Variants in DRC10 observed in about 807,000 individuals in gnomAD.
DRC10 encodes IQ domain-containing protein D.
chr12:113,213,093 T>C, the DRC10 span, among the ~76,000 whole-genome samples: 3 of 150,000 alleles, frequency 2.0e-5, no homozygotes, highest in African/African-American at 4.9e-5. Context: ...ATATATTTTT[T>C]CCCCCTGGAG....
At chr12:113,211,506 G>A in the DRC10 span, among the ~76,000 whole-genome samples, 5,305 of 152,216 alleles carry the variant, frequency 0.035, 334 homozygotes, top group African/African-American at 0.12. Flanking sequence ...GTTCACGCCC[G>A]TAATCCCAAC....
chr12:113,200,589 C>T, the DRC10 span: 155 of 1,535,118 alleles, frequency 1.0e-4, no homozygotes, highest in Non-Finnish European at 1.3e-4. Flanking sequence ...CCTTCCTCAG[C>T]GCCTGCTCTG....
At chr12:113,220,186 C>A in the DRC10 span, among the ~76,000 whole-genome samples, 1 of 152,072 alleles carries the variant, frequency 6.6e-6, no homozygotes, top group Non-Finnish European at 1.5e-5. Flanking sequence ...GAGATCACAT[C>A]TTAAGGATGG....
chr12:113,201,476 G>A, the DRC10 span, among the ~76,000 whole-genome samples: 1 of 152,204 alleles, frequency 6.6e-6, no homozygotes, highest in African/African-American at 2.4e-5. Context: ...GGACAGCGGC[G>A]ATGCTCCTCC....
chr12:113,207,213 TG>T, the DRC10 span: 1 of 593,214 alleles, frequency 1.7e-6, no homozygotes, highest in Non-Finnish European at 3.0e-6. Flanking sequence ...CCGGGCGTGG[TG>T]GCATACGCCT....
the DRC10 span, among the ~76,000 whole-genome samples, chr12:113,198,494 C>A: frequency 6.6e-6 from 1 of 152,074 alleles, no homozygotes; most frequent in Non-Finnish European, 1.5e-5. Context: ...CATGGGTGAA[C>A]CTTGAAAACA....
the DRC10 span, among the ~76,000 whole-genome samples, chr12:113,197,201 T>TC: frequency 6.6e-6 from 1 of 151,456 alleles, no homozygotes; most frequent in East Asian, 1.9e-4. Context: ...TTTTTTTTTT[T>TC]TTTTTTTTTT....
At chr12:113,202,431 TG>T in the DRC10 span, among the ~76,000 whole-genome samples, 1 of 152,014 alleles carries the variant, frequency 6.6e-6, no homozygotes, top group Non-Finnish European at 1.5e-5. Context: ...TCATCAGTGG[TG>T]GGGGATAGAA....
chr12:113,200,811 C>T, the DRC10 span: 2 of 1,527,018 alleles, frequency 1.3e-6, no homozygotes, highest in East Asian at 2.5e-5. Context: ...TCTCCTTTTC[C>T]ACCTAAGCCA....
chr12:113,206,477 C>T, the DRC10 span, among the ~76,000 whole-genome samples: 2 of 151,994 alleles, frequency 1.3e-5, no homozygotes, highest in African/African-American at 2.4e-5. Context: ...AATGTGAGGT[C>T]CTGTTCCAGC....
the DRC10 span, among the ~76,000 whole-genome samples, chr12:113,199,692 G>A: frequency 6.6e-6 from 1 of 152,006 alleles, no homozygotes; most frequent in South Asian, 2.1e-4. Context: ...TGGCTGAGAT[G>A]ATGAAGGAGA....
At chr12:113,218,240 G>T in the DRC10 span, among the ~76,000 whole-genome samples, 16 of 151,398 alleles carry the variant, frequency 1.1e-4, no homozygotes, top group South Asian at 2.9e-3. Flanking sequence ...GGGTTCAAGC[G>T]ATTCTCCTGC....
At chr12:113,201,268 G>T in the DRC10 span, among the ~76,000 whole-genome samples, 2 of 152,214 alleles carry the variant, frequency 1.3e-5, no homozygotes, top group Non-Finnish European at 2.9e-5. Flanking sequence ...CCACAATGGA[G>T]GTCAGGGACA....
chr12:113,201,473 G>A, the DRC10 span, among the ~76,000 whole-genome samples: 1 of 152,198 alleles, frequency 6.6e-6, no homozygotes, highest in African/African-American at 2.4e-5. Context: ...CTGGGACAGC[G>A]GCGATGCTCC....
chr12:113,218,640 A>T, the DRC10 span, among the ~76,000 whole-genome samples: 1 of 150,960 alleles, frequency 6.6e-6, no homozygotes, highest in African/African-American at 2.4e-5. Context: ...ATAGGGTCTC[A>T]CTTTGTTACC....
At chr12:113,203,516 C>A in the DRC10 span, among the ~76,000 whole-genome samples, 1 of 147,740 alleles carries the variant, frequency 6.8e-6, no homozygotes. Context: ...CACTCTGTCG[C>A]ACAGGCTGGA....
the DRC10 span, among the ~76,000 whole-genome samples, chr12:113,204,466 C>T: frequency 6.6e-6 from 1 of 152,266 alleles, no homozygotes; most frequent in Non-Finnish European, 1.5e-5. Flanking sequence ...CGAATCCAGC[C>T]AGCCACTTGT....
At chr12:113,211,680 G>C in the DRC10 span, among the ~76,000 whole-genome samples, 2 of 152,012 alleles carry the variant, frequency 1.3e-5, no homozygotes, top group African/African-American at 4.8e-5. Flanking sequence ...TGGGAGCAGA[G>C]GATTGGGAAT....
At chr12:113,218,460 TAGAC>T in the DRC10 span, among the ~76,000 whole-genome samples, 9 of 151,010 alleles carry the variant, frequency 6.0e-5, no homozygotes, top group African/African-American at 2.2e-4. Flanking sequence ...TTTTTTTTAA[TAGAC>T]AGGGTCTTAC....
Sources: gnomAD v4.1 joint callset for allele counts (sites outside exome capture counted in the v4.1 genomes callset) on GRCh38, gnomAD v4.1.1 for gene constraint, MANE v1.5 for transcripts, NCBI Gene and HGNC (gene_info 2026-07-23, HGNC 2026-07-21) for gene names.